SOX30: variants seen among roughly 807,000 people sequenced by gnomAD.
SOX30 encodes the protein transcription factor SOX-30.
Under a neutral mutation model 58.6 loss-of-function variants are expected in SOX30, and 17 were observed. The observed-to-expected ratio is 0.29, with a 90% CI of 0.20 to 0.44. The LOEUF is 0.44. Among genes scored for constraint, SOX30 ranks in the 20% least tolerant of loss-of-function variants. The pLI is 1.00. For missense variants in SOX30, 951 were observed against 965.8 expected (o/e 0.98, Z 0.20); for synonymous variants, 421 against 400.2 (o/e 1.05, Z -0.62).
At chr5:157,634,007 G>T (rs1758868651) in intron 4 of SOX30, among the ~76,000 whole-genome samples, 1 of 152,190 alleles carries the variant, frequency 6.6e-6, no homozygotes, top group African/African-American at 2.4e-5. Flanking sequence ...AAGAATTAAT[G>T]TAGTACACAG....
intron 4 of SOX30, among the ~76,000 whole-genome samples, chr5:157,633,806 A>T (rs1009692513): frequency 1.3e-5 from 2 of 152,222 alleles, no homozygotes. Context: ...TGTATTTTCC[A>T]TATATTTCAA....
chr5:157,633,872 T>G (rs746379154), intron 4 of SOX30, among the ~76,000 whole-genome samples: 2 of 152,170 alleles, frequency 1.3e-5, no homozygotes, highest in Non-Finnish European at 2.9e-5. Flanking sequence ...TTACATAGAT[T>G]TTAAACACAT....
rs763730048 is a variant in SOX30, at chr5:157,651,659, C to T, written c.420G>A (p.Gln140=). The T allele has an allele frequency of 6.2e-7, 1 of 1,611,368 alleles. No individual in the cohort carries two copies. Among genetic ancestry groups the T allele is most frequent in the Non-Finnish European group, 8.5e-7 (1 of 1,179,416 alleles). Residue 140 remains glutamine, a synonymous_variant, in exon 1 of 5, where the codon CAG becomes CAA. Coordinates refer to ENST00000265007, the MANE Select transcript of SOX30 (RefSeq NM_178424.2). ...ACTGATCCAGGCTGGGCCCCAGCTT[C>T]TGCTTCTTGGCCTTGACATGCAGCG... ...PLALHVKAKK[Q]KLGPSLDQSV...
intron 4 of SOX30, among the ~76,000 whole-genome samples, chr5:157,636,994 G>A (rs1036039266): frequency 3.9e-5 from 6 of 152,030 alleles, no homozygotes; most frequent in African/African-American, 1.4e-4. Context: ...TTAGCCAGGC[G>A]TGGTGACGCA....
At chr5:157,661,841 T>G (rs1235267543) in intron 2 of SOX30, among the ~76,000 whole-genome samples, 2 of 152,188 alleles carry the variant, frequency 1.3e-5, no homozygotes, top group African/African-American at 4.8e-5. Context: ...TTGTGATATC[T>G]TTGTCTGTGG....
intron 2 of SOX30, among the ~76,000 whole-genome samples, chr5:157,658,762 G>C (rs752488449): frequency 1.3e-5 from 2 of 152,168 alleles, no homozygotes; most frequent in Non-Finnish European, 2.9e-5. Context: ...AATGTCAGGC[G>C]TGTGAACCAG....
At chr5:157,633,624 T>C (rs11958486) in intron 4 of SOX30, among the ~76,000 whole-genome samples, 10,984 of 152,310 alleles carry the variant, frequency 0.072, 1,360 homozygotes, top group African/African-American at 0.25. Context: ...TGCATTATTA[T>C]GGAAGAAGTC....
upstream of SOX30, among the ~76,000 whole-genome samples, chr5:157,653,996 G>C (rs185745153): frequency 2.6e-5 from 4 of 151,958 alleles, no homozygotes; most frequent in Middle Eastern, 0.01. Context: ...GTGGAACCTC[G>C]TCTCTACTAA....
intron 3 of SOX30, among the ~76,000 whole-genome samples, chr5:157,645,876 C>T (rs201472797): frequency 1.3e-4 from 20 of 152,002 alleles, no homozygotes; most frequent in East Asian, 1.2e-3. Flanking sequence ...CAAAATTAGC[C>T]GGGTGTGATG....
chr5:157,646,993 A>C (rs1581398486), intron 2 of SOX30, among the ~76,000 whole-genome samples, 177 bp from the exon 3 acceptor site: 1 of 152,184 alleles, frequency 6.6e-6, no homozygotes, highest in African/African-American at 2.4e-5. Context: ...GTATTTTAAC[A>C]TACATATCCA....
At chr5:157,652,934 C>T (rs1759399043), upstream of SOX30, among the ~76,000 whole-genome samples, 1 of 152,198 alleles carries the variant, frequency 6.6e-6, no homozygotes, top group Admixed American at 6.5e-5. Flanking sequence ...CTTTCCATGG[C>T]TCCCCACTGA....
chr5:157,648,888 C>A lies in SOX30; in HGVS notation c.976G>T (p.Asp326Tyr). The change falls in exon 2 of 5, where the codon GAT (aspartate) becomes TAT (tyrosine). Residue 326 changes from aspartate (D) to tyrosine (Y), a missense_variant. This residue lies in a region of SOX30 where 60 missense variants were observed against 74.0 expected (regional missense o/e 0.81). Transcript: ENST00000265007. The stretch of plus-strand genomic sequence containing the variant: ...TTTCTGTCCTTACTGAAGGGAGTAT[C>A]TGGTATGCCTACATGACAAAAATTA... ...TVLPSDAGIP[D>Y]TPFSKDRNGH... 1 of 1,604,648 alleles carries A rather than the reference C, an allele frequency of 6.2e-7. No individual in the cohort carries two copies. The highest frequency in any genetic ancestry group is 8.5e-7 in the Non-Finnish European group (1 of 1,175,240).
In SOX30 at chr5:157,652,421, A is replaced by T. The variant is rs1257049203; in HGVS notation, c.-343T>A. 1.8e-5 allele frequency: 19 copies of T among 1,034,704 alleles called. No homozygotes were observed. Among genetic ancestry groups the T allele is most frequent in the Non-Finnish European group, 2.2e-5 (19 of 862,426 alleles). The allele number at this position is 1,034,704 out of a possible 1,614,324, so 64.1% of individuals were successfully genotyped here. A position where few individuals can be genotyped will look rare whatever the true frequency, so the allele number is the denominator to read the frequency against. ...CGTTGTCTTTAGTCATCCCTCCCCC[A>T]CCCGGAGCTGCGACAATGGCGTTGC... is the stretch of plus-strand genomic sequence containing the variant. On this transcript the variant is annotated 5_prime_UTR_variant, in exon 1 of 5. Transcript: ENST00000265007.
intron 4 of SOX30, 37 bp downstream of exon 4, chr5:157,638,193 G>C: frequency 5.3e-6 from 8 of 1,500,458 alleles, no homozygotes; most frequent in Non-Finnish European, 7.1e-6. Flanking sequence ...CTCATTAGCT[G>C]AATGTTTAGG....
intron 2 of SOX30, among the ~76,000 whole-genome samples, chr5:157,659,769 T>G (rs1759543835): frequency 6.6e-6 from 1 of 152,192 alleles, no homozygotes; most frequent in Non-Finnish European, 1.5e-5. Context: ...GTACATAGCT[T>G]CAGTCCAGAG....
intron 2 of SOX30, among the ~76,000 whole-genome samples, chr5:157,647,657 C>G (rs1759227634): frequency 6.6e-6 from 1 of 151,940 alleles, no homozygotes; most frequent in Admixed American, 6.6e-5. Context: ...TGGGTTCATG[C>G]CATTCTCCTG....
At chr5:157,646,839 A>G in intron 2 of SOX30, 23 bp from the exon 3 acceptor site, 2 of 1,568,460 alleles carry the variant, frequency 1.3e-6, no homozygotes, top group Non-Finnish European at 1.8e-6. Context: ...AAATATGTTT[A>G]AATGTGTAGA....
chr5:157,668,250 GC>G (rs761527290), intron 1 of SOX30, among the ~76,000 whole-genome samples: 50 of 152,310 alleles, frequency 3.3e-4, no homozygotes, highest in South Asian at 1.7e-3. Context: ...CAAGAAGGAA[GC>G]CTGGGATGAA....
At chr5:157,668,560 T>TCATCCATCCGTC (rs1759711302) in intron 1 of SOX30, among the ~76,000 whole-genome samples, 1 of 151,822 alleles carries the variant, frequency 6.6e-6, no homozygotes, top group Non-Finnish European at 1.5e-5. Flanking sequence ...ATCCAACCAC[T>TCATCCATCCGTC]CATCCATCCG....
Sources: allele counts gnomAD v4.1 joint callset (sites outside exome capture counted in the v4.1 genomes callset), GRCh38; gene constraint gnomAD v4.1.1; regional missense constraint gnomAD v4.1.1; transcripts MANE v1.5; gene names NCBI Gene and HGNC (gene_info 2026-07-23, HGNC 2026-07-21).